The following SH3RF3 variants were observed in gnomAD, a reference collection of about 807,000 sequenced individuals.
The protein encoded by SH3RF3 is SH3 domain containing ring finger 3.
SH3RF3 carries 29 observed loss-of-function variants against 66.3 expected under a neutral mutation model. The observed-to-expected ratio is 0.44, with a 90% CI of 0.33 to 0.60. The LOEUF (loss-of-function observed/expected upper bound fraction) is 0.60, where lower values mean the gene tolerates loss of function less well. Ranked by LOEUF, SH3RF3 falls within the 20% of genes least tolerant of loss-of-function variation. The pLI is 0.04. For synonymous variants in SH3RF3, 583 were observed against 532.0 expected (o/e 1.10, Z -1.32); for missense variants, 1,194 against 1,190.9 (o/e 1.00, Z -0.04).
At chr2:109,433,352 A>G (rs764151588) in intron 6 of SH3RF3, among the ~76,000 whole-genome samples, 17 of 152,366 alleles carry the variant, frequency 1.1e-4, no homozygotes, top group Non-Finnish European at 2.4e-4. Context: ...TCAGTGTTTA[A>G]TAAGTTCTCA....
chr2:109,288,451 A>G (rs1681089406), intron 1 of SH3RF3, among the ~76,000 whole-genome samples: 1 of 152,218 alleles, frequency 6.6e-6, no homozygotes, highest in African/African-American at 2.4e-5. Context: ...TAAAGCCAGA[A>G]AGTATGAGAG....
At chr2:109,139,049 A>G (rs1676877711) in intron 1 of SH3RF3, among the ~76,000 whole-genome samples, 1 of 152,202 alleles carries the variant, frequency 6.6e-6, no homozygotes, top group Non-Finnish European at 1.5e-5. Flanking sequence ...ATGTCTGTGG[A>G]TTTAATTATG....
At chr2:109,263,042 C>T (rs1337608384) in intron 1 of SH3RF3, among the ~76,000 whole-genome samples, 1 of 152,038 alleles carries the variant, frequency 6.6e-6, no homozygotes, top group East Asian at 1.9e-4. Context: ...GACAGGGTTT[C>T]ACCATATTGG....
At chr2:109,388,291 G>C (rs1675878108) in intron 3 of SH3RF3, among the ~76,000 whole-genome samples, 1 of 152,204 alleles carries the variant, frequency 6.6e-6, no homozygotes, top group African/African-American at 2.4e-5. Flanking sequence ...TCACTGATGA[G>C]TTAGTTGCAG....
At chr2:109,307,140 A>G (rs4676271) in intron 1 of SH3RF3, among the ~76,000 whole-genome samples, 90,795 of 152,076 alleles carry the variant, frequency 0.6, 28,622 homozygotes, top group East Asian at 0.91. Flanking sequence ...AATAAAAAGT[A>G]CCTGTTGTAC....
rs1676623033 is a variant in SH3RF3, at chr2:109,129,454, C to T, written c.-87C>T. On this transcript the variant is annotated 5_prime_UTR_variant, in exon 1 of 10. Transcript: ENST00000309415. ...AAAGTCACGGCGGAGCCCGGCTCCC[C>T]AGTCCTGATGCTGGCTGCCGGTGGC... 1 of 1,494,434 alleles carries T rather than the reference C, an allele frequency of 6.7e-7. No individual in the cohort carries two copies. The highest frequency in any genetic ancestry group is 8.9e-7 in the Non-Finnish European group (1 of 1,126,164). 92.6% of individuals were successfully genotyped at this position (1,494,434 alleles called of 1,614,324 possible).
intron 1 of SH3RF3, among the ~76,000 whole-genome samples, chr2:109,174,973 G>A (rs1164693839): frequency 6.6e-6 from 1 of 152,214 alleles, no homozygotes; most frequent in Admixed American, 6.5e-5. Context: ...TTTAAAGAGT[G>A]ATTTATACCT....
intron 8 of SH3RF3, among the ~76,000 whole-genome samples, chr2:109,476,728 A>G (rs929077694): frequency 1.3e-5 from 2 of 152,222 alleles, no homozygotes; most frequent in African/African-American, 4.8e-5. Flanking sequence ...AGGAAAGTAA[A>G]GGAATACAAG....
chr2:109,399,243 A>C (rs1025054592), intron 4 of SH3RF3, among the ~76,000 whole-genome samples: 1 of 152,196 alleles, frequency 6.6e-6, no homozygotes, highest in African/African-American at 2.4e-5. Flanking sequence ...TCCCCGTGTC[A>C]GTCGGCTTCC....
chr2:109,266,801 A>G (rs1680507577), intron 1 of SH3RF3, among the ~76,000 whole-genome samples: 1 of 152,132 alleles, frequency 6.6e-6, no homozygotes, highest in Non-Finnish European at 1.5e-5. Flanking sequence ...CATGCATGAG[A>G]GAGCCAGGGA....
intron 1 of SH3RF3, among the ~76,000 whole-genome samples, chr2:109,315,976 G>T (rs985231877): frequency 1.3e-5 from 2 of 152,064 alleles, no homozygotes; most frequent in Non-Finnish European, 2.9e-5. Context: ...AAGTCTTTTT[G>T]GTCTGACTGT....
chr2:109,266,865 A>G (rs528649517), intron 1 of SH3RF3, among the ~76,000 whole-genome samples: 1 of 152,148 alleles, frequency 6.6e-6, no homozygotes, highest in Non-Finnish European at 1.5e-5. Flanking sequence ...GCTGGAGACC[A>G]CTGCTGCAGA....
intron 7 of SH3RF3, among the ~76,000 whole-genome samples, chr2:109,441,678 AAC>A (rs747202991): frequency 2.0e-5 from 3 of 152,364 alleles, no homozygotes; most frequent in East Asian, 3.9e-4. Context: ...GAAAACCACA[AAC>A]ACAGTTTCAA....
intron 9 of SH3RF3, among the ~76,000 whole-genome samples, chr2:109,494,635 G>A (rs1291637783): frequency 6.6e-6 from 1 of 152,178 alleles, no homozygotes; most frequent in African/African-American, 2.4e-5. Context: ...AGAACACTCA[G>A]CTGCCAAGCA....
chr2:109,498,140 C>T (rs898218091), intron 9 of SH3RF3, among the ~76,000 whole-genome samples: 4 of 152,170 alleles, frequency 2.6e-5, no homozygotes, highest in East Asian at 1.9e-4. Context: ...GAGGTGCCTC[C>T]GCCTGCCCTC....
intron 1 of SH3RF3, among the ~76,000 whole-genome samples, chr2:109,219,993 A>G (rs929477718): frequency 1.2e-4 from 19 of 152,224 alleles, no homozygotes; most frequent in Non-Finnish European, 2.9e-5. Context: ...GGAGGAGCAA[A>G]GTTGGAAGAC....
rs915104087 is a variant in SH3RF3, at chr2:109,358,677, A to T, written c.849+10728A>T. On this transcript the variant is annotated intron_variant, in intron 2 of 9. Transcript: ENST00000309415. ...TTTAAGAGTTTTTTGTGTATTTTGC[A>T]TAATAATCCTTTATCATAGTTGTCT... Among the ~76,000 whole-genome samples the T allele has an allele frequency of 2.0e-5, 3 of 152,224 alleles. No homozygotes were observed. The East Asian group carries it at 5.8e-4, about 29-fold the overall frequency.
intron 1 of SH3RF3, among the ~76,000 whole-genome samples, chr2:109,263,512 G>T (rs898859226): frequency 3.9e-5 from 6 of 152,216 alleles, no homozygotes; most frequent in Admixed American, 2.6e-4. Flanking sequence ...GGGGGCTGAT[G>T]CATACATAGA....
intron 5 of SH3RF3, among the ~76,000 whole-genome samples, chr2:109,426,976 ATATT>A (rs1242323751): frequency 2.8e-5 from 3 of 108,080 alleles, no homozygotes; most frequent in African/African-American, 4.0e-5. Flanking sequence ...ATATATATAT[ATATT>A]TTTTTTTGAG....
Sources: gnomAD v4.1 joint callset for allele counts (sites outside exome capture counted in the v4.1 genomes callset) on GRCh38, gnomAD v4.1.1 for gene constraint, MANE v1.5 for transcripts, NCBI Gene and HGNC (gene_info 2026-07-23, HGNC 2026-07-21) for gene names.